MGAT5: variants seen among roughly 807,000 people sequenced by gnomAD.
MGAT5 encodes alpha-1,6-mannosylglycoprotein 6-beta-N-acetylglucosaminyltransferase, also known as alpha-1,6-mannosylglycoprotein 6-beta-N-acetylglucosaminyltransferase A.
In MGAT5, 30 loss-of-function variants were observed where a neutral mutation model predicts 94.3. That is an observed-to-expected ratio of 0.32 (90% CI 0.24 to 0.43). The LOEUF is 0.43. MGAT5 is among the 20% of genes least tolerant of loss of function. The pLI is 1.00. For missense variants in MGAT5, 691 were observed against 905.5 expected, an observed-to-expected ratio of 0.76 and a Z score of 3.04; for synonymous variants, 310 against 322.9, an observed-to-expected ratio of 0.96 and a Z score of 0.43.
At chr2:134,180,294 G>T (rs1408910285) in intron 1 of MGAT5, among the ~76,000 whole-genome samples, 3 of 152,164 alleles carry the variant, frequency 2.0e-5, no homozygotes, top group Admixed American at 2.0e-4. Flanking sequence ...GGAAATCCAA[G>T]AACCCTCTCT....
chr2:134,356,931 C>G (rs1221543706), intron 9 of MGAT5, among the ~76,000 whole-genome samples: 1 of 152,156 alleles, frequency 6.6e-6, no homozygotes, highest in Non-Finnish European at 1.5e-5. Flanking sequence ...ACTTTCTCCT[C>G]CCCTTCCCTG....
chr2:134,194,282 C>T (rs1298704863), intron 1 of MGAT5, among the ~76,000 whole-genome samples: 3 of 151,938 alleles, frequency 2.0e-5, no homozygotes, highest in Non-Finnish European at 1.5e-5. Flanking sequence ...GAGCTATCTG[C>T]AATGATGGCT....
intron 11 of MGAT5, among the ~76,000 whole-genome samples, chr2:134,406,528 T>C (rs1683343157): frequency 1.3e-5 from 2 of 152,184 alleles, no homozygotes; most frequent in Admixed American, 1.3e-4. Flanking sequence ...TGACTGACTG[T>C]GCCACCCTGC....
chr2:134,337,390 A>G (rs1688393823), intron 5 of MGAT5, among the ~76,000 whole-genome samples: 1 of 152,136 alleles, frequency 6.6e-6, no homozygotes, highest in African/African-American at 2.4e-5. Flanking sequence ...TGACAAGAGG[A>G]TCGCTTGAGC....
At chr2:134,300,816 G>A (rs1685971142) in intron 2 of MGAT5, among the ~76,000 whole-genome samples, 1 of 152,080 alleles carries the variant, frequency 6.6e-6, no homozygotes, top group Admixed American at 6.6e-5. Context: ...GATTAGCAAA[G>A]GAAAATTGTC....
At chr2:134,320,900 T>A (rs969929094) in intron 4 of MGAT5, among the ~76,000 whole-genome samples, 2 of 151,998 alleles carry the variant, frequency 1.3e-5, no homozygotes, top group Non-Finnish European at 2.9e-5. Context: ...TTTTTGGGGG[T>A]TCCAACCGGG....
chr2:134,437,079 C>T (rs1317968921), intron 14 of MGAT5, among the ~76,000 whole-genome samples: 1 of 152,230 alleles, frequency 6.6e-6, no homozygotes, highest in Non-Finnish European at 1.5e-5. Flanking sequence ...ACCTCTGCCT[C>T]CCGGGTTCAA....
At chr2:134,172,677 T>TGC (rs1558969349) in intron 1 of MGAT5, among the ~76,000 whole-genome samples, 3 of 152,314 alleles carry the variant, frequency 2.0e-5, no homozygotes, top group East Asian at 1.9e-4. Flanking sequence ...TGAGCCACCA[T>TGC]GCCCAGCCAG....
chr2:134,189,269 C>G (rs1311492311), intron 1 of MGAT5, among the ~76,000 whole-genome samples: 2 of 152,178 alleles, frequency 1.3e-5, no homozygotes, highest in Admixed American at 1.3e-4. Context: ...GGTGACCAGA[C>G]TCCAGCCTGA....
At chr2:134,387,332 A>ATATATATATATATATATTTTTTTT in intron 10 of MGAT5, among the ~76,000 whole-genome samples, 3 of 24,256 alleles carry the variant, frequency 1.2e-4, no homozygotes, top group African/African-American at 4.0e-4. Flanking sequence ...ATATATATAT[A>ATATATATATATATATATTTTTTTT]TTTTTTTTTT....
intron 1 of MGAT5, among the ~76,000 whole-genome samples, chr2:134,143,445 A>T (rs1320752724): frequency 6.6e-6 from 1 of 152,200 alleles, no homozygotes; most frequent in Non-Finnish European, 1.5e-5. Context: ...CTATTTTGTA[A>T]CAGGGAGCTT....
intron 2 of MGAT5, among the ~76,000 whole-genome samples, chr2:134,289,436 A>G (rs1397723617): frequency 3.3e-5 from 5 of 152,136 alleles, no homozygotes; most frequent in Non-Finnish European, 7.4e-5. Flanking sequence ...CCCATGTGCT[A>G]CCTGAGTCAG....
intron 13 of MGAT5, among the ~76,000 whole-genome samples, chr2:134,423,990 G>C (rs886728437): frequency 1.3e-5 from 2 of 152,216 alleles, no homozygotes; most frequent in Non-Finnish European, 2.9e-5. Flanking sequence ...ATAGATGTCT[G>C]CAAGTAAGCA....
In MGAT5 at chr2:134,179,796, G is replaced by A. The variant is rs571732079; in HGVS notation, c.-143+59505G>A. ...TAAATATGAGAGTGAGACCTGCCGG[G>A]CTGCATTTCCAGGAGGCAGGGCATT... On this transcript the variant is annotated intron_variant, in intron 1 of 16. Coordinates refer to the MGAT5 transcript ENST00000409645. 4.6e-5 allele frequency among the ~76,000 whole-genome samples: 7 copies of A among 152,330 alleles called. 1 individual carries two copies. The highest frequency in any genetic ancestry group is 1.7e-4 in the African/African-American group (7 of 41,580).
At chr2:134,275,577 C>CTTTTTTT (rs1684306448) in intron 2 of MGAT5, among the ~76,000 whole-genome samples, 2 of 117,540 alleles carry the variant, frequency 1.7e-5, no homozygotes, top group African/African-American at 8.1e-5. Context: ...GGTGCTATTT[C>CTTTTTTT]CTTTTTTTTT....
At chr2:134,416,390 C>T (rs1574054999) in intron 12 of MGAT5, among the ~76,000 whole-genome samples, 1 of 152,104 alleles carries the variant, frequency 6.6e-6, no homozygotes, top group East Asian at 1.9e-4. Context: ...CATATAATGT[C>T]TGTCCTTTTG....
At chr2:134,126,201 T>G (rs758590215) in intron 1 of MGAT5, among the ~76,000 whole-genome samples, 15 of 152,232 alleles carry the variant, frequency 9.9e-5, no homozygotes, top group Non-Finnish European at 1.8e-4. Flanking sequence ...TGATTCGGAA[T>G]GCTTCTGCCA....
rs371696047 is a variant in MGAT5 at position 134,151,218 on chromosome 2, C to G, written c.-143+30927C>G. Among the ~76,000 whole-genome samples, 1,034 of 142,556 alleles carry G rather than the reference C, an allele frequency of 7.3e-3. 7 individuals carry two copies. Among genetic ancestry groups the G allele is most frequent in the African/African-American group, 0.025 (943 of 38,158 alleles). 93.5% of individuals were successfully genotyped at this position (142,556 alleles called of 152,430 possible). On this transcript the variant is annotated intron_variant, in intron 1 of 16. Transcript: ENST00000409645. Reference sequence around the variant, plus strand: ...CTCACGCCCTATGGGACCCGCTTACCGCCATGGGACCTCACTCACGCCCTA... The same window carrying G: ...CTCACGCCCTATGGGACCCGCTTACGGCCATGGGACCTCACTCACGCCCTA...
intron 1 of MGAT5, among the ~76,000 whole-genome samples, chr2:134,145,210 C>G (rs997964192): frequency 4.2e-5 from 4 of 95,956 alleles, no homozygotes; most frequent in African/African-American, 1.9e-4. Context: ...GTGTGTCTCT[C>G]TCTCTGTGTG....
Sources: gnomAD v4.1 joint callset for allele counts (sites outside exome capture counted in the v4.1 genomes callset) on GRCh38, gnomAD v4.1.1 for gene constraint, MANE v1.5 for transcripts, NCBI Gene and HGNC (gene_info 2026-07-23, HGNC 2026-07-21) for gene names.